The following NCALD variants were observed in gnomAD, a reference collection of about 807,000 sequenced individuals.
NCALD encodes neurocalcin-delta.
NCALD carries 10 observed loss-of-function variants against 18.6 expected under a neutral mutation model. That is an observed-to-expected ratio of 0.54 (90% CI 0.33 to 0.91). The LOEUF is 0.91. NCALD is among the 40% of genes least tolerant of loss of function. The probability of loss-of-function intolerance (pLI) is 0.03; values close to 1 mark genes in which losing one functional copy is unlikely to be tolerated. For synonymous variants in NCALD, 88 were observed against 87.4 expected, an observed-to-expected ratio of 1.01 and a Z score of -0.04; for missense variants, 184 against 247.6, an observed-to-expected ratio of 0.74 and a Z score of 1.72.
chr8:101,820,680 TA>T (rs969211131), intron 4 of NCALD, among the ~76,000 whole-genome samples: 16 of 152,092 alleles, frequency 1.1e-4, no homozygotes, highest in African/African-American at 2.9e-4. Flanking sequence ...GGATAGGCTG[TA>T]AAAAAAATTC....
At chr8:101,887,045 T>C (rs988705837) in intron 4 of NCALD, 1 of 152,308 alleles carries the variant, frequency 6.6e-6, no homozygotes, top group East Asian at 1.9e-4. Context: ...AATACAAATA[T>C]ATAAACACAC....
chr8:102,108,989 C>T (rs922957127), intron 1 of NCALD, among the ~76,000 whole-genome samples: 5 of 152,124 alleles, frequency 3.3e-5, no homozygotes, highest in Admixed American at 6.5e-5. Flanking sequence ...AAAATGAGAT[C>T]GTATCTGTGG....
At chr8:102,098,933 T>C (rs1825187152) in intron 1 of NCALD, among the ~76,000 whole-genome samples, 1 of 152,216 alleles carries the variant, frequency 6.6e-6, no homozygotes, top group South Asian at 2.1e-4. Context: ...AGAGCTACTA[T>C]AGAAGTTTTT....
At chr8:101,863,902 C>G (rs1401733949) in intron 4 of NCALD, among the ~76,000 whole-genome samples, 2 of 152,182 alleles carry the variant, frequency 1.3e-5, no homozygotes, top group African/African-American at 4.8e-5. Flanking sequence ...GGGAGAGGAG[C>G]CTTTAAAAAA....
At chr8:102,030,529 A>G (rs1822629148) in intron 1 of NCALD, among the ~76,000 whole-genome samples, 1 of 152,236 alleles carries the variant, frequency 6.6e-6, no homozygotes, top group South Asian at 2.1e-4. Context: ...CGTGGTCGAT[A>G]AAAAGAATCA....
intron 4 of NCALD, among the ~76,000 whole-genome samples, chr8:101,801,643 CTTTTTTTTTTTTTTTTTTTTTT>C (rs71268530): frequency 0.038 from 1,699 of 44,140 alleles, 49 homozygotes; most frequent in African/African-American, 0.085. Context: ...AGCACACTTA[CTTTTTTTTTTTTTTTTTTTTTT>C]TTTTTTTTTT....
intron 1 of NCALD, among the ~76,000 whole-genome samples, chr8:102,093,416 T>A (rs1432074598): frequency 6.6e-6 from 1 of 152,208 alleles, no homozygotes; most frequent in Non-Finnish European, 1.5e-5. Context: ...CCTATCTACA[T>A]TATTGAGTAG....
chr8:101,696,825 T>TA (rs35119993), intron 2 of NCALD, among the ~76,000 whole-genome samples: 68,558 of 151,988 alleles, frequency 0.45, 19,066 homozygotes, highest in Non-Finnish European at 0.63. Flanking sequence ...TTTATAGCAC[T>TA]AAATGCCCAC....
At chr8:101,708,399 C>A (rs1815630692) in intron 2 of NCALD, among the ~76,000 whole-genome samples, 2 of 152,172 alleles carry the variant, frequency 1.3e-5, no homozygotes, top group African/African-American at 2.4e-5. Flanking sequence ...TGTGAACAAA[C>A]ATGTTATAAC....
intron 2 of NCALD, among the ~76,000 whole-genome samples, chr8:101,954,948 A>AT (rs1819567115): frequency 6.6e-6 from 1 of 152,028 alleles, no homozygotes. Flanking sequence ...AGCCTCAGTT[A>AT]TTTATCTGCA....
At chr8:102,072,918 A>G (rs938113966) in intron 1 of NCALD, among the ~76,000 whole-genome samples, 3 of 152,192 alleles carry the variant, frequency 2.0e-5, no homozygotes, top group African/African-American at 7.2e-5. Context: ...AGAACAACTT[A>G]TCTGTATGTG....
chr8:101,887,029 T>A (rs1336517501), intron 4 of NCALD: 2 of 152,214 alleles, frequency 1.3e-5, no homozygotes. Flanking sequence ...ATTTTTCTAC[T>A]TAGCAAATAC....
chr8:101,723,415 T>C (rs1816448548), intron 1 of NCALD, among the ~76,000 whole-genome samples: 1 of 152,200 alleles, frequency 6.6e-6, no homozygotes, highest in South Asian at 2.1e-4. Flanking sequence ...CAAGTGTATA[T>C]ATACTGTGCA....
At chr8:101,783,201 T>C (rs1244329143) in intron 1 of NCALD, among the ~76,000 whole-genome samples, 3 of 151,846 alleles carry the variant, frequency 2.0e-5, no homozygotes, top group Non-Finnish European at 4.4e-5. Flanking sequence ...TGAATGAGAG[T>C]CTTCTTAAGG....
chr8:101,819,484 C>T (rs970341377), intron 4 of NCALD, among the ~76,000 whole-genome samples: 2 of 152,014 alleles, frequency 1.3e-5, no homozygotes, highest in African/African-American at 2.4e-5. Context: ...TTCAATTCTT[C>T]ACCAGACATA....
At chr8:102,026,245 A>G (rs966802005) in intron 1 of NCALD, among the ~76,000 whole-genome samples, 2 of 152,202 alleles carry the variant, frequency 1.3e-5, no homozygotes, top group South Asian at 4.1e-4. Flanking sequence ...CAAAAGTCTC[A>G]ATTCATTCTA....
intron 2 of NCALD, among the ~76,000 whole-genome samples, chr8:101,982,855 A>G (rs989631380): frequency 2.6e-5 from 4 of 152,064 alleles, no homozygotes; most frequent in Non-Finnish European, 5.9e-5. Context: ...AAAAAAAAAA[A>G]AATCCTTATA....
intron 4 of NCALD, among the ~76,000 whole-genome samples, chr8:101,876,455 T>C (rs979370168): frequency 1.3e-5 from 2 of 152,242 alleles, no homozygotes; most frequent in Non-Finnish European, 1.5e-5. Context: ...GACATCATGA[T>C]ATACTTGCTG....
chr8:101,851,296 T>C (rs77394691), intron 4 of NCALD, among the ~76,000 whole-genome samples: 4,814 of 152,160 alleles, frequency 0.032, 221 homozygotes, highest in African/African-American at 0.11. Context: ...CAACTGAAGT[T>C]GCAAGCATCT....
Sources: allele counts gnomAD v4.1 joint callset (sites outside exome capture counted in the v4.1 genomes callset), GRCh38; gene constraint gnomAD v4.1.1; transcripts MANE v1.5; gene names NCBI Gene and HGNC (gene_info 2026-07-23, HGNC 2026-07-21).